Variants in MTERF3 observed in about 807,000 individuals in gnomAD.
MTERF3 encodes the protein transcription termination factor 3, mitochondrial.
A neutral mutation model predicts 40.5 loss-of-function variants in MTERF3; 40 were observed. The ratio of observed to expected loss-of-function variants is 0.99; its 90% CI spans 0.77 to 1.29. MTERF3 has a LOEUF of 1.29. Ranked by LOEUF, MTERF3 falls within the 50% of genes most tolerant of loss-of-function variation. The pLI, the probability that MTERF3 is intolerant of heterozygous loss-of-function variation, is 0.00. For synonymous variants in MTERF3, 158 were observed against 166.6 expected (o/e 0.95, Z 0.40); for missense variants, 452 against 478.2 (o/e 0.95, Z 0.51).
In MTERF3 at chr8:96,243,929, T is replaced by A. The variant is rs773808375; in HGVS notation, c.1049A>T (p.Lys350Met). 3 of 1,613,812 alleles carry A rather than the reference T, an allele frequency of 1.9e-6. No homozygotes were observed. Among genetic ancestry groups the A allele is most frequent in the Non-Finnish European group, 2.5e-6 (3 of 1,179,934 alleles). The change falls in exon 7 of 8, where the codon AAG (lysine) becomes ATG (methionine). Residue 350 changes from lysine (K) to methionine (M), a missense_variant. Coordinates refer to ENST00000287025, the MANE Select transcript of MTERF3 (RefSeq NM_015942.5). ...VMSIPHHIIV[K>M]FPQVFNTRLF... ...TGTGAGTGGCATTACCTGTGGGAACTTGACAATGATGTGGTGGGGAATGCT... is the reference window on the plus strand; with the variant it reads ...TGTGAGTGGCATTACCTGTGGGAACATGACAATGATGTGGTGGGGAATGCT...
intron 3 of MTERF3, among the ~76,000 whole-genome samples, chr8:96,254,060 T>C (rs1810237648): frequency 6.6e-6 from 1 of 152,174 alleles, no homozygotes; most frequent in East Asian, 1.9e-4. Flanking sequence ...GTATCATCCA[T>C]AGCACCTGCC....
At position 96,239,638 on chromosome 8, in the gene MTERF3, A is replaced by G; in HGVS notation, c.1107T>C (p.Leu369=). 4 of 1,605,736 alleles carry G rather than the reference A, an allele frequency of 2.5e-6. No homozygotes were observed. Among genetic ancestry groups the G allele is most frequent in the Non-Finnish European group, 3.4e-6 (4 of 1,178,166 alleles). The stretch of plus-strand genomic sequence containing the variant: ...CATACTGTGCTCTTCCTAAATAGGT[A>G]AGAAACAAGTGTCTTTCTTTGACCT... ...LFKVKERHLF[L]TYLGRAQYDP... The change falls in exon 8 of 8, where the codon CTT becomes CTC. Residue 369 remains leucine (L), a synonymous_variant. Transcript: ENST00000287025.
intron 3 of MTERF3, among the ~76,000 whole-genome samples, chr8:96,255,364 T>A (rs1810260705): frequency 1.3e-5 from 2 of 151,978 alleles, no homozygotes; most frequent in South Asian, 4.2e-4. Context: ...ATAGGCCGAG[T>A]GCGGTGGCTC....
intron 3 of MTERF3, among the ~76,000 whole-genome samples, chr8:96,252,049 G>A (rs1266431640): frequency 6.6e-6 from 1 of 152,132 alleles, no homozygotes; most frequent in African/African-American, 2.4e-5. Flanking sequence ...AAAAAGGGGG[G>A]TTTCCAGGCA....
At chr8:96,246,237 G>T in intron 5 of MTERF3, 70 bp downstream of exon 5, 1 of 1,411,948 alleles carries the variant, frequency 7.1e-7, no homozygotes, top group South Asian at 1.4e-5. Flanking sequence ...CATCTGCTGG[G>T]AACATGAGAT....
At chr8:96,250,380 G>T (rs1323755027) in intron 4 of MTERF3, among the ~76,000 whole-genome samples, 1 of 145,072 alleles carries the variant, frequency 6.9e-6, no homozygotes, top group African/African-American at 2.5e-5. Flanking sequence ...AAGAGAAAGA[G>T]TTAATTACTG....
intron 3 of MTERF3, among the ~76,000 whole-genome samples, chr8:96,256,471 A>C (rs1004301032): frequency 2.0e-5 from 3 of 152,246 alleles, no homozygotes; most frequent in African/African-American, 7.2e-5. Flanking sequence ...ATGAAGAACA[A>C]GGCAACTATT....
chr8:96,261,109 G>A (rs923652124), intron 1 of MTERF3, among the ~76,000 whole-genome samples: 1 of 152,136 alleles, frequency 6.6e-6, no homozygotes, highest in Non-Finnish European at 1.5e-5. Context: ...CTAGTGCTTC[G>A]CTAGAAAAAG....
chr8:96,244,592 G>A (rs1179047658), intron 6 of MTERF3, among the ~76,000 whole-genome samples: 1 of 151,690 alleles, frequency 6.6e-6, no homozygotes, highest in Non-Finnish European at 1.5e-5. Flanking sequence ...GTAGAGATGA[G>A]GTTTCACCAT....
In MTERF3 at chr8:96,245,934, G is replaced by A. The variant is rs745488939; in HGVS notation, c.826-3C>T. Reference sequence around the variant, plus strand: ...AGACGAACTACCAGATCTCTAGTCTGTGGTTGCAAACAAAACAATCTAGTA... The same window carrying A: ...AGACGAACTACCAGATCTCTAGTCTATGGTTGCAAACAAAACAATCTAGTA... On this transcript the variant is annotated splice_polypyrimidine_tract_variant and splice_region_variant and intron_variant, in intron 5 of 7. Coordinates refer to ENST00000287025, the MANE Select transcript of MTERF3 (RefSeq NM_015942.5). The A allele has an allele frequency of 3.1e-6, 5 of 1,613,266 alleles. No individual in the cohort carries two copies. Among genetic ancestry groups the A allele is most frequent in the Admixed American group, 1.7e-5 (1 of 59,876 alleles).
intron 4 of MTERF3, 115 bp downstream of exon 4, chr8:96,250,791 A>AT (rs1238169943): frequency 1.0e-6 from 1 of 999,114 alleles, no homozygotes; most frequent in African/African-American, 1.8e-5. Flanking sequence ...TAACAAAAAA[A>AT]ATTCATGTTA....
intron 3 of MTERF3, among the ~76,000 whole-genome samples, chr8:96,252,836 A>T (rs1446273005): frequency 1.3e-5 from 2 of 152,266 alleles, no homozygotes; most frequent in Non-Finnish European, 2.9e-5. Flanking sequence ...ACTGTGCTCG[A>T]ACAGAAATCC....
intron 7 of MTERF3, among the ~76,000 whole-genome samples, chr8:96,241,216 C>A (rs1809922356): frequency 6.6e-6 from 1 of 152,012 alleles, no homozygotes; most frequent in East Asian, 1.9e-4. Context: ...TTGAGACCAT[C>A]CTGGCCAACA....
Position 96,257,074 on chromosome 8 carries a change from A to T in MTERF3, c.375T>A (p.Ile125=). 1 of 1,613,400 alleles carries T rather than the reference A, an allele frequency of 6.2e-7. No individual in the cohort carries two copies. Among genetic ancestry groups the T allele is most frequent in the Non-Finnish European group, 8.5e-7 (1 of 1,179,750 alleles). The change falls in exon 3 of 8, where the codon ATT becomes ATA. Residue 125 remains isoleucine (I), a synonymous_variant. Coordinates refer to ENST00000287025, the MANE Select transcript of MTERF3 (RefSeq NM_015942.5). ...ELPPLSPMQP[I]SEEEAIQIIA... ...TAATCTGAATAGCCTCTTCCTCTGA[A>T]ATTGGCTGCATTGGAGACAATGGAG...
chr8:96,246,756 T>C (rs1810029419), intron 4 of MTERF3, among the ~76,000 whole-genome samples: 1 of 152,222 alleles, frequency 6.6e-6, no homozygotes, highest in South Asian at 2.1e-4. Flanking sequence ...ATGATTACTT[T>C]TGCACCAACC....
downstream of MTERF3, chr8:96,239,398 AAT>A: frequency 1.0e-6 from 1 of 995,388 alleles, no homozygotes; most frequent in South Asian, 1.8e-5. Context: ...AATGGTTTCC[AAT>A]ATCAGTTGAG....
Position 96,239,700 on chromosome 8 carries a change from A to C in MTERF3, c.1060-15T>G. 1 of 1,559,254 alleles carries C rather than the reference A, an allele frequency of 6.4e-7. No individual in the cohort carries two copies. Among genetic ancestry groups the C allele is most frequent in the Non-Finnish European group, 8.6e-7 (1 of 1,159,898 alleles). On this transcript the variant is annotated splice_polypyrimidine_tract_variant and intron_variant, in intron 7 of 7. Coordinates refer to ENST00000287025, the MANE Select transcript of MTERF3 (RefSeq NM_015942.5). The stretch of plus-strand genomic sequence containing the variant: ...GTATTAAATACCTAGAAAAGAAAAA[A>C]AAGTTTTTAAAAAACACTGCACACG...
chr8:96,259,166 A>T (rs1810335981), intron 1 of MTERF3, among the ~76,000 whole-genome samples: 1 of 152,232 alleles, frequency 6.6e-6, no homozygotes, highest in African/African-American at 2.4e-5. Context: ...CATTTTATGT[A>T]TATAAATTTG....
intron 6 of MTERF3, 111 bp downstream of exon 6, chr8:96,245,749 C>A: frequency 1.2e-6 from 1 of 854,324 alleles, no homozygotes. Flanking sequence ...TTAGAAATAA[C>A]TTATTTTAAA....
Sources: allele counts gnomAD v4.1 joint callset (sites outside exome capture counted in the v4.1 genomes callset), GRCh38; gene constraint gnomAD v4.1.1; transcripts MANE v1.5; gene names NCBI Gene and HGNC (gene_info 2026-07-23, HGNC 2026-07-21).